Variants in DAPK1 observed in about 807,000 individuals in gnomAD.
DAPK1 encodes death-associated protein kinase 1.
DAPK1 carries 56 observed loss-of-function variants against 144.9 expected under a neutral mutation model. The ratio of observed to expected loss-of-function variants is 0.39; its 90% CI spans 0.31 to 0.48. The LOEUF (loss-of-function observed/expected upper bound fraction) is 0.48. DAPK1 is among the 20% of genes least tolerant of loss of function. The pLI is 0.95. For synonymous variants in DAPK1, 690 were observed against 749.0 expected (o/e 0.92, Z 1.29); for missense variants, 1,454 against 1,875.4 (o/e 0.78, Z 4.15).
At chr9:87,701,990 C>G in intron 24 of DAPK1, 1 of 402,678 alleles carries the variant, frequency 2.5e-6, no homozygotes, top group East Asian at 7.5e-5. Context: ...GGCCCCTGTG[C>G]TTCCCCACCA....
At chr9:87,631,948 A>G (rs1163060215) in intron 3 of DAPK1, 2 of 462,428 alleles carry the variant, frequency 4.3e-6, no homozygotes, top group Non-Finnish European at 2.9e-6. Flanking sequence ...GCCTTCATGA[A>G]TTGGCACGAA....
intron 3 of DAPK1, chr9:87,632,180 G>GTA (rs1829715039): frequency 1.1e-6 from 1 of 903,332 alleles, no homozygotes; most frequent in African/African-American, 1.8e-5. Flanking sequence ...AGGAGTATGA[G>GTA]TATATATGTA....
At chr9:87,633,319 T>C (rs947944238) in intron 3 of DAPK1, 62 of 984,890 alleles carry the variant, frequency 6.3e-5, no homozygotes, top group Non-Finnish European at 7.4e-5. Flanking sequence ...TGTGTACATA[T>C]GTAGATATGA....
intron 9 of DAPK1, among the ~76,000 whole-genome samples, 166 bp from the exon 10 acceptor site, chr9:87,641,803 G>T (rs535356086): frequency 6.6e-6 from 1 of 152,314 alleles, no homozygotes; most frequent in East Asian, 1.9e-4. Context: ...GAGTGAGCCC[G>T]CTAAGACTAG....
intron 2 of DAPK1, among the ~76,000 whole-genome samples, chr9:87,558,057 A>T (rs1346454054): frequency 6.6e-6 from 1 of 152,216 alleles, no homozygotes; most frequent in African/African-American, 2.4e-5. Flanking sequence ...AGCCATAATA[A>T]ATCTTTCATT....
chr9:87,635,240 T>C (rs1278510581), intron 3 of DAPK1, among the ~76,000 whole-genome samples: 1 of 152,000 alleles, frequency 6.6e-6, no homozygotes, highest in African/African-American at 2.4e-5. Flanking sequence ...GCCAGAAGGC[T>C]GGACAGTGGA....
chr9:87,576,659 G>A (rs1206535046), intron 2 of DAPK1, among the ~76,000 whole-genome samples: 1 of 152,166 alleles, frequency 6.6e-6, no homozygotes, highest in Non-Finnish European at 1.5e-5. Flanking sequence ...CCAGGTTCAA[G>A]TGATTCTCCT....
Position 87,708,544 on chromosome 9 carries a change from A to G in DAPK1, c.*1180A>G, listed in dbSNP as rs1209085139. 6.6e-6 allele frequency: 1 copy of G among 152,586 alleles called. No individual in the cohort carries two copies. The highest frequency in any genetic ancestry group is 1.5e-5 in the Non-Finnish European group (1 of 68,030). The allele number at this position is 152,586 out of a possible 1,614,324, so 9.5% of individuals were successfully genotyped here. On this transcript the variant is annotated 3_prime_UTR_variant, in exon 26 of 26. Transcript: ENST00000408954. ...GCACTATGTATATACATATATATTAATACTGGTATTTTTACTTAATCTATA... is the reference window on the plus strand; with the variant it reads ...GCACTATGTATATACATATATATTAGTACTGGTATTTTTACTTAATCTATA...
At chr9:87,617,681 A>G (rs1371270467) in intron 3 of DAPK1, among the ~76,000 whole-genome samples, 3 of 152,076 alleles carry the variant, frequency 2.0e-5, no homozygotes, top group African/African-American at 7.2e-5. Flanking sequence ...TCACCTCCTA[A>G]TCAATTGGTA....
At chr9:87,616,161 C>T (rs1265542361) in intron 3 of DAPK1, among the ~76,000 whole-genome samples, 1 of 152,240 alleles carries the variant, frequency 6.6e-6, no homozygotes, top group African/African-American at 2.4e-5. Flanking sequence ...CATTTCTTAG[C>T]ATTTCCATGA....
intron 2 of DAPK1, among the ~76,000 whole-genome samples, chr9:87,518,256 C>G (rs1825154855): frequency 6.7e-6 from 1 of 150,352 alleles, no homozygotes; most frequent in African/African-American, 2.5e-5. Context: ...GGATTACAGG[C>G]GTGCCCCACC....
At chr9:87,498,333 T>G (rs896528340) in intron 1 of DAPK1, among the ~76,000 whole-genome samples, 1 of 152,094 alleles carries the variant, frequency 6.6e-6, no homozygotes, top group Non-Finnish European at 1.5e-5. Context: ...AGGCGCTTTG[T>G]GTCGGGGCGC....
At chr9:87,668,061 T>C (rs1044129475) in intron 18 of DAPK1, 2 of 153,720 alleles carry the variant, frequency 1.3e-5, no homozygotes, top group African/African-American at 4.8e-5. Context: ...CTGTGGACTC[T>C]TATTTCCTTG....
intron 2 of DAPK1, among the ~76,000 whole-genome samples, chr9:87,535,237 T>TA (rs1825821050): frequency 6.6e-6 from 1 of 151,962 alleles, no homozygotes; most frequent in South Asian, 2.1e-4. Context: ...TAGCCCCCCT[T>TA]TCGTTCTCTT....
At chr9:87,543,844 A>T (rs1226504022) in intron 2 of DAPK1, among the ~76,000 whole-genome samples, 1 of 152,026 alleles carries the variant, frequency 6.6e-6, no homozygotes, top group Non-Finnish European at 1.5e-5. Context: ...GTGTGTTTGG[A>T]TTTTGTTTAT....
At chr9:87,640,905 C>T in intron 9 of DAPK1, 58 bp downstream of exon 9, 2 of 1,527,378 alleles carry the variant, frequency 1.3e-6, no homozygotes, top group Non-Finnish European at 1.8e-6. Flanking sequence ...GTTTGGGCAC[C>T]CTGGTATTCA....
chr9:87,598,350 A>T, intron 2 of DAPK1, among the ~76,000 whole-genome samples: 1 of 152,206 alleles, frequency 6.6e-6, no homozygotes, highest in East Asian at 1.9e-4. Context: ...TTTAAACCAG[A>T]TCTGTTTCCA....
chr9:87,569,080 A>C (rs1827238967), intron 2 of DAPK1, among the ~76,000 whole-genome samples: 1 of 152,154 alleles, frequency 6.6e-6, no homozygotes, highest in South Asian at 2.1e-4. Context: ...CTTTGCATTA[A>C]CCTCAGTGGT....
At chr9:87,647,440 A>G in intron 14 of DAPK1, 37 bp downstream of exon 14, 1 of 1,557,806 alleles carries the variant, frequency 6.4e-7, no homozygotes, top group Non-Finnish European at 8.9e-7. Context: ...ATGAGGTGGT[A>G]GTAAATGGAT....
Sources: allele counts gnomAD v4.1 joint callset (sites outside exome capture counted in the v4.1 genomes callset), GRCh38; gene constraint gnomAD v4.1.1; transcripts MANE v1.5; gene names NCBI Gene and HGNC (gene_info 2026-07-23, HGNC 2026-07-21).